Variants in CDH18 observed in about 807,000 individuals in gnomAD.
CDH18 encodes the protein cadherin 18.
CDH18 carries 31 observed loss-of-function variants against 67.9 expected under a neutral mutation model. That is an observed-to-expected ratio of 0.46 (90% CI 0.34 to 0.62). CDH18 has a LOEUF of 0.62. CDH18 is among the 20% of genes least tolerant of loss of function. The pLI is 0.01. For missense variants in CDH18, 890 were observed against 975.5 expected (o/e 0.91, Z 1.17); for synonymous variants, 362 against 347.2 (o/e 1.04, Z -0.48).
intron 1 of CDH18, among the ~76,000 whole-genome samples, chr5:20,386,336 G>T (rs1485006285): frequency 6.6e-6 from 1 of 152,154 alleles, no homozygotes; most frequent in Non-Finnish European, 1.5e-5. Context: ...CCAAATTAGA[G>T]ACTCTAAAAT....
intron 5 of CDH18, among the ~76,000 whole-genome samples, chr5:19,679,246 T>G (rs547076231): frequency 6.6e-6 from 1 of 152,136 alleles, no homozygotes; most frequent in African/African-American, 2.4e-5. Flanking sequence ...TTTGATACAC[T>G]TCAACACCCC....
At chr5:20,287,689 AT>A (rs1194559783) in intron 1 of CDH18, among the ~76,000 whole-genome samples, 1 of 151,822 alleles carries the variant, frequency 6.6e-6, no homozygotes, top group Non-Finnish European at 1.5e-5. Flanking sequence ...TAGAAACAAT[AT>A]TCTGTAAATC....
intron 1 of CDH18, among the ~76,000 whole-genome samples, chr5:20,363,371 G>C (rs1316210490): frequency 6.7e-6 from 1 of 150,214 alleles, no homozygotes; most frequent in African/African-American, 2.5e-5. Context: ...TGTAATCCCA[G>C]CTACTTGGAA....
intron 2 of CDH18, among the ~76,000 whole-genome samples, chr5:20,064,983 T>C (rs1742849494): frequency 6.6e-6 from 1 of 152,038 alleles, no homozygotes; most frequent in South Asian, 2.1e-4. Context: ...AGTTCTGTAT[T>C]TTTTGGTCTT....
intron 3 of CDH18, among the ~76,000 whole-genome samples, chr5:19,811,411 G>GA (rs1454652902): frequency 1.4e-4 from 21 of 152,028 alleles, no homozygotes; most frequent in Admixed American, 2.6e-4. Context: ...ACACATACAG[G>GA]AAAAAAACTG....
In CDH18 at chr5:19,473,346, G is replaced by A. The variant is rs1017287865; in HGVS notation, c.2253C>T (p.Ser751=). ...ATTGTGTCGTTGCTGAATCCAGCGA[G>A]CTGATAGACCCAGCTTCTGATCTCT... ...EGQRSEAGSI[S]SLDSATTQSD... is the part of the protein sequence containing the mutation. The change falls in exon 13 of 13, where the codon AGC becomes AGT. Residue 751 remains serine, a synonymous_variant. Transcript: ENST00000382275. 3 of 1,613,906 alleles carry A rather than the reference G, an allele frequency of 1.9e-6. No individual in the cohort carries two copies. The highest frequency in any genetic ancestry group is 2.5e-6 in the Non-Finnish European group (3 of 1,179,902).
At chr5:20,320,784 T>C (rs914867215) in intron 1 of CDH18, among the ~76,000 whole-genome samples, 1 of 152,186 alleles carries the variant, frequency 6.6e-6, no homozygotes. Context: ...CCCAGGATAC[T>C]GGCTCTTTCC....
chr5:20,067,318 T>A (rs994188883), intron 2 of CDH18, among the ~76,000 whole-genome samples: 1 of 151,240 alleles, frequency 6.6e-6, no homozygotes, highest in Admixed American at 6.6e-5. Context: ...TAACTAAATA[T>A]CTGAATTCAT....
chr5:19,659,329 C>T (rs16885636), intron 5 of CDH18, among the ~76,000 whole-genome samples: 27,762 of 151,962 alleles, frequency 0.18, 2,986 homozygotes, highest in East Asian at 0.39. Flanking sequence ...TATGGCATGG[C>T]TTTGGATTAA....
chr5:20,262,059 C>T (rs189713267), intron 1 of CDH18, among the ~76,000 whole-genome samples: 76 of 152,324 alleles, frequency 5.0e-4, no homozygotes, highest in African/African-American at 1.3e-3. Flanking sequence ...AGCAATACAA[C>T]TCCACTATAT....
intron 2 of CDH18, among the ~76,000 whole-genome samples, chr5:19,910,453 A>G (rs2150136482): frequency 6.6e-6 from 1 of 152,282 alleles, no homozygotes; most frequent in South Asian, 2.1e-4. Flanking sequence ...TCCTATTTTC[A>G]GAATTTAGCT....
chr5:20,370,659 T>C (rs4291013), intron 1 of CDH18, among the ~76,000 whole-genome samples: 149,994 of 152,288 alleles, frequency 0.98, 73,915 homozygotes, highest in Middle Eastern at 1. Flanking sequence ...ATGCCATACT[T>C]AGATATTTAT....
intron 5 of CDH18, among the ~76,000 whole-genome samples, chr5:19,624,990 G>A (rs143226649): frequency 1.9e-4 from 29 of 151,826 alleles, no homozygotes; most frequent in Non-Finnish European, 4.0e-4. Flanking sequence ...GTTCTAGGTG[G>A]AGAAAATTGC....
intron 3 of CDH18, among the ~76,000 whole-genome samples, chr5:19,777,385 A>G (rs543039956): frequency 6.6e-6 from 1 of 152,348 alleles, no homozygotes; most frequent in East Asian, 1.9e-4. Context: ...TAACAACGAC[A>G]CAAGATAACA....
At chr5:19,884,696 T>A (rs1561504232) in intron 2 of CDH18, among the ~76,000 whole-genome samples, 1 of 152,000 alleles carries the variant, frequency 6.6e-6, no homozygotes, top group East Asian at 1.9e-4. Flanking sequence ...CCTGTGTTTT[T>A]AAAAAAAGTA....
At chr5:20,123,064 TTATA>T (rs1039102622) in intron 2 of CDH18, among the ~76,000 whole-genome samples, 2 of 148,868 alleles carry the variant, frequency 1.3e-5, no homozygotes, top group African/African-American at 4.9e-5. Context: ...TCTTCAAATA[TTATA>T]TATATGATAT....
intron 1 of CDH18, among the ~76,000 whole-genome samples, chr5:20,318,757 TC>T (rs1445694071): frequency 2.0e-5 from 3 of 152,172 alleles, no homozygotes; most frequent in Non-Finnish European, 2.9e-5. Flanking sequence ...AAATCTCTTT[TC>T]TTTTTTTAAA....
chr5:20,207,183 C>T (rs1292849189), intron 2 of CDH18, among the ~76,000 whole-genome samples: 1 of 151,446 alleles, frequency 6.6e-6, no homozygotes, highest in Non-Finnish European at 1.5e-5. Context: ...GAGTAGTAGC[C>T]TTTATATAAG....
chr5:20,013,390 G>A (rs1217619941), intron 2 of CDH18, among the ~76,000 whole-genome samples: 3 of 152,078 alleles, frequency 2.0e-5, no homozygotes, highest in Admixed American at 2.0e-4. Flanking sequence ...TTGATGTACT[G>A]ATAGTTACGA....
Sources: allele counts gnomAD v4.1 joint callset (sites outside exome capture counted in the v4.1 genomes callset), GRCh38; gene constraint gnomAD v4.1.1; transcripts MANE v1.5; gene names NCBI Gene and HGNC (gene_info 2026-07-23, HGNC 2026-07-21).